Variants in SLC38A6 observed in about 807,000 individuals in gnomAD.
The protein encoded by SLC38A6 is solute carrier family 38 member 6, also known as N system amino acid transporter NAT-1.
A neutral mutation model predicts 65.0 loss-of-function variants in SLC38A6; 73 were observed. The ratio of observed to expected loss-of-function variants is 1.12; its 90% CI spans 0.93 to 1.37. The LOEUF (loss-of-function observed/expected upper bound fraction) is 1.37. Among genes scored for constraint, SLC38A6 ranks in the 40% most tolerant of loss-of-function variants. The probability of loss-of-function intolerance (pLI) is 0.00; values close to 1 mark genes in which losing one functional copy is unlikely to be tolerated. For synonymous variants in SLC38A6, 183 were observed against 178.8 expected (o/e 1.02, Z -0.19); for missense variants, 561 against 531.1 (o/e 1.06, Z -0.55).
At position 60,982,520 on chromosome 14, in the gene SLC38A6, C is replaced by T. The variant is rs760044387; in HGVS notation, c.118C>T (p.Gln40Ter). ...TGTGTGCTTACAGGAACTTCACAGA[C>T]AGCGATCCCCAGGTGTTTCATTTGG... is the stretch of plus-strand genomic sequence containing the variant. ...SPLLSNELHR[Q>*]RSPGVSFGLS... Residue 40 changes from glutamine (Q) to a stop codon, truncating the protein, a stop_gained, in exon 2 of 16, where the codon CAG becomes TAG. Transcript: ENST00000267488. LOFTEE classifies it high-confidence loss of function. 2 of 1,610,140 alleles carry T rather than the reference C, an allele frequency of 1.2e-6. No homozygotes were observed. The highest frequency in any genetic ancestry group is 1.7e-6 in the Non-Finnish European group (2 of 1,179,076).
intron 5 of SLC38A6, among the ~76,000 whole-genome samples, chr14:61,028,894 C>G (rs2040771007): frequency 6.6e-6 from 1 of 152,080 alleles, no homozygotes; most frequent in South Asian, 2.1e-4. Context: ...TAGCATGTAT[C>G]CTTTTTTTCC....
intron 15 of SLC38A6, among the ~76,000 whole-genome samples, chr14:61,069,015 G>A (rs991931468): frequency 6.6e-6 from 1 of 152,124 alleles, no homozygotes; most frequent in Non-Finnish European, 1.5e-5. Context: ...TGTGCCTGAA[G>A]TATTGCAGTG....
chr14:61,073,234 A>T (rs2043289486), intron 15 of SLC38A6, among the ~76,000 whole-genome samples: 1 of 151,968 alleles, frequency 6.6e-6, no homozygotes, highest in Non-Finnish European at 1.5e-5. Context: ...GGATTATTAT[A>T]TTTTTTCCAA....
intron 3 of SLC38A6, among the ~76,000 whole-genome samples, chr14:60,993,540 T>G (rs537232733): frequency 2.2e-4 from 34 of 152,330 alleles, no homozygotes; most frequent in African/African-American, 7.9e-4. Context: ...AGAGTCCCAG[T>G]TAGTAGGAGT....
intron 3 of SLC38A6, among the ~76,000 whole-genome samples, chr14:61,011,221 C>T (rs1320954700): frequency 3.9e-5 from 6 of 152,284 alleles, no homozygotes; most frequent in Middle Eastern, 3.4e-3. Context: ...GATTTTTACA[C>T]ATTGATTTTG....
At chr14:61,027,101 T>C (rs2040652138) in intron 5 of SLC38A6, among the ~76,000 whole-genome samples, 2 of 152,192 alleles carry the variant, frequency 1.3e-5, no homozygotes, top group African/African-American at 4.8e-5. Context: ...CTTCTCCATG[T>C]TGTTTTTAAA....
In SLC38A6 at chr14:61,001,904, G is replaced by T. The variant is rs534654694; in HGVS notation, c.311-14000G>T. On this transcript the variant is annotated intron_variant, in intron 3 of 15. Coordinates refer to ENST00000267488, the MANE Select transcript of SLC38A6 (RefSeq NM_153811.3). The stretch of plus-strand genomic sequence containing the variant: ...TTTATCTTCTGCCTTTATTATACTA[G>T]CGCTTCTGTTCTTTCACCTTCCTTA... The T allele has an allele frequency of 4.6e-5, 7 of 151,922 alleles. No homozygotes were observed. The East Asian group carries it at 1.4e-3, about 29-fold the overall frequency. The allele number at this position is 151,922 out of a possible 1,614,324, so 9.4% of individuals were successfully genotyped here.
intron 16 of SLC38A6, among the ~76,000 whole-genome samples, chr14:61,079,996 C>T (rs1397671774): frequency 6.6e-6 from 1 of 152,194 alleles, no homozygotes; most frequent in Non-Finnish European, 1.5e-5. Context: ...TCCTCACTGT[C>T]TCCAGTCTCT....
At chr14:61,009,931 G>C (rs1484345687) in intron 3 of SLC38A6, among the ~76,000 whole-genome samples, 2 of 152,132 alleles carry the variant, frequency 1.3e-5, no homozygotes, top group African/African-American at 2.4e-5. Context: ...GGTATTTCTA[G>C]TTCTAGATCC....
chr14:60,984,581 C>T, intron 2 of SLC38A6, 149 bp from the exon 3 acceptor site: 2 of 505,850 alleles, frequency 4.0e-6, no homozygotes, highest in Admixed American at 3.2e-5. Flanking sequence ...AGAAAAGTAT[C>T]TTCTTAATTT....
intron 3 of SLC38A6, among the ~76,000 whole-genome samples, chr14:61,004,918 C>G (rs1329519691): frequency 6.6e-6 from 1 of 152,140 alleles, no homozygotes; most frequent in Non-Finnish European, 1.5e-5. Context: ...CCTTGATGAA[C>G]ATGGATGCAA....
chr14:61,033,198 C>A (rs1163761578), intron 6 of SLC38A6, among the ~76,000 whole-genome samples: 1 of 151,798 alleles, frequency 6.6e-6, no homozygotes, highest in Non-Finnish European at 1.5e-5. Context: ...TGAGTAAGAT[C>A]CTAATTCAGA....
chr14:61,035,869 TCA>T (rs1308572564), intron 6 of SLC38A6, among the ~76,000 whole-genome samples: 1 of 152,198 alleles, frequency 6.6e-6, no homozygotes, highest in Admixed American at 6.5e-5. Flanking sequence ...CATATTGCTA[TCA>T]CATAAAAATA....
chr14:60,981,261 G>A lies in SLC38A6; in HGVS notation c.-17G>A, dbSNP rs1188070035. 6.3e-7 allele frequency: 1 copy of A among 1,586,352 alleles called. No individual in the cohort carries two copies. Among genetic ancestry groups the A allele is most frequent in the Non-Finnish European group, 8.6e-7 (1 of 1,166,270 alleles). ...TAGAGGCTCGTAGATGGAACTGGTA[G>A]TCAGCTGGAGAGCAGCATGGAGGCG... On this transcript the variant is annotated 5_prime_UTR_variant, in exon 1 of 16. Coordinates refer to ENST00000267488, the MANE Select transcript of SLC38A6 (RefSeq NM_153811.3).
At chr14:61,016,359 C>G (rs370878865) in intron 4 of SLC38A6, among the ~76,000 whole-genome samples, 2 of 152,182 alleles carry the variant, frequency 1.3e-5, no homozygotes, top group African/African-American at 4.8e-5. Context: ...AACCAGTAAT[C>G]AGAAGATCAT....
Position 60,981,252 on chromosome 14 carries a change from G to T in SLC38A6, c.-26G>T. ...GGGCAGGGGTAGAGGCTCGTAGATG[G>T]AACTGGTAGTCAGCTGGAGAGCAGC... On this transcript the variant is annotated 5_prime_UTR_variant, in exon 1 of 16. It introduces an in-frame stop codon into an upstream open reading frame of the 5' UTR. Transcript: ENST00000267488. 6.3e-7 allele frequency: 1 copy of T among 1,579,076 alleles called. No individual in the cohort carries two copies. Among genetic ancestry groups the T allele is most frequent in the Non-Finnish European group, 8.6e-7 (1 of 1,162,542 alleles).
intron 15 of SLC38A6, among the ~76,000 whole-genome samples, chr14:61,075,819 GTGTGTGTGTGTGTA>G (rs1566736807): frequency 6.8e-6 from 1 of 148,000 alleles, no homozygotes. Context: ...GTGTGTGTGT[GTGTGTGTGTGTGTA>G]TGTATTTGGG....
chr14:61,077,767 A>G (rs558654037), intron 15 of SLC38A6, among the ~76,000 whole-genome samples: 2 of 152,032 alleles, frequency 1.3e-5, no homozygotes, highest in South Asian at 4.1e-4. Flanking sequence ...GGCTTTCCTC[A>G]ATTTTTTTTT....
chr14:60,990,365 T>G (rs1353829387), intron 3 of SLC38A6, among the ~76,000 whole-genome samples: 7 of 152,132 alleles, frequency 4.6e-5, no homozygotes, highest in African/African-American at 1.7e-4. Context: ...GATTCTGAAA[T>G]TTATATCCCT....
Sources: gnomAD v4.1 joint callset for allele counts (sites outside exome capture counted in the v4.1 genomes callset) on GRCh38, gnomAD v4.1.1 for gene constraint, MANE v1.5 for transcripts, NCBI Gene and HGNC (gene_info 2026-07-23, HGNC 2026-07-21) for gene names.